PDE10A: variants seen among roughly 807,000 people sequenced by gnomAD.
PDE10A encodes cAMP and cAMP-inhibited cGMP 3',5'-cyclic phosphodiesterase 10A.
In PDE10A, 39 loss-of-function variants were observed where a neutral mutation model predicts 97.7. The ratio of observed to expected loss-of-function variants is 0.40; its 90% CI spans 0.31 to 0.52. The LOEUF (loss-of-function observed/expected upper bound fraction) is 0.52, where lower values mean the gene tolerates loss of function less well. Among genes scored for constraint, PDE10A ranks in the 20% least tolerant of loss-of-function variants. PDE10A has a pLI of 0.56. For synonymous variants in PDE10A, 371 were observed against 376.8 expected (o/e 0.98, Z 0.18); for missense variants, 731 against 1,047.8 (o/e 0.70, Z 4.17).
At chr6:165,338,871 T>A (rs1781806350) in intron 20 of PDE10A, among the ~76,000 whole-genome samples, 1 of 152,200 alleles carries the variant, frequency 6.6e-6, no homozygotes, top group Non-Finnish European at 1.5e-5. Flanking sequence ...TTCAAGTGGT[T>A]CTAGCTTCTG....
intron 1 of PDE10A, among the ~76,000 whole-genome samples, chr6:165,770,333 G>A (rs1484051504): frequency 1.3e-5 from 2 of 151,926 alleles, no homozygotes; most frequent in Non-Finnish European, 2.9e-5. Flanking sequence ...AAGAAAGAAG[G>A]AGAAAGAAAG....
chr6:165,707,814 T>C (rs558234135), intron 1 of PDE10A, among the ~76,000 whole-genome samples: 1 of 152,238 alleles, frequency 6.6e-6, no homozygotes, highest in East Asian at 1.9e-4. Context: ...TGCAGCTTCC[T>C]GGGTGCTCTT....
chr6:165,691,389 G>T (rs141321356), intron 1 of PDE10A, among the ~76,000 whole-genome samples: 7 of 151,828 alleles, frequency 4.6e-5, no homozygotes, highest in Non-Finnish European at 4.4e-5. Flanking sequence ...GTCACATGCC[G>T]TCCAAGTTTG....
intron 1 of PDE10A, among the ~76,000 whole-genome samples, chr6:165,923,719 C>G (rs991016406): frequency 6.6e-6 from 1 of 152,022 alleles, no homozygotes; most frequent in South Asian, 2.1e-4. Context: ...AACAGTTATA[C>G]AATTTGGGAT....
At chr6:165,554,296 A>G (rs1784148375) in intron 1 of PDE10A, among the ~76,000 whole-genome samples, 1 of 152,168 alleles carries the variant, frequency 6.6e-6, no homozygotes, top group Admixed American at 6.5e-5. Flanking sequence ...ATATATAAAG[A>G]GCTCAAACAA....
chr6:165,699,277 A>G (rs750062916), intron 1 of PDE10A, among the ~76,000 whole-genome samples: 6 of 152,214 alleles, frequency 3.9e-5, no homozygotes, highest in Non-Finnish European at 5.9e-5. Flanking sequence ...TAAGTGGTTA[A>G]TCCAACAGAA....
intron 6 of PDE10A, among the ~76,000 whole-genome samples, chr6:165,434,026 AAAAAAAAAAAAAGAAGTAGTACAGGG>A (rs1410422611): frequency 3.4e-5 from 5 of 146,422 alleles, no homozygotes; most frequent in Non-Finnish European, 7.4e-5. Context: ...CAAAAAAAAA[AAAAAAAAAAAAAGAAGTAGTACAGGG>A]AAATTGAATG....
chr6:165,843,815 G>A (rs1780328825), intron 1 of PDE10A, among the ~76,000 whole-genome samples: 1 of 152,212 alleles, frequency 6.6e-6, no homozygotes, highest in Non-Finnish European at 1.5e-5. Flanking sequence ...GGAGGGGCAG[G>A]GCAGTCACTG....
chr6:165,350,857 T>C (rs1475702161), intron 18 of PDE10A, among the ~76,000 whole-genome samples: 1 of 152,140 alleles, frequency 6.6e-6, no homozygotes, highest in Non-Finnish European at 1.5e-5. Context: ...GAAGGACGTG[T>C]TTGCTTCCCC....
At chr6:165,432,442 G>T (rs947472381) in intron 7 of PDE10A, among the ~76,000 whole-genome samples, 1 of 152,268 alleles carries the variant, frequency 6.6e-6, no homozygotes, top group Non-Finnish European at 1.5e-5. Flanking sequence ...AGGGACAGGT[G>T]GGGTCGCAGG....
At chr6:165,789,207 A>T (rs1229186022) in intron 1 of PDE10A, among the ~76,000 whole-genome samples, 1 of 152,174 alleles carries the variant, frequency 6.6e-6, no homozygotes, top group Non-Finnish European at 1.5e-5. Flanking sequence ...GAAGTTAATA[A>T]TTTTTTTACA....
chr6:165,386,375 G>T (rs1287666542), intron 17 of PDE10A, among the ~76,000 whole-genome samples: 1 of 152,102 alleles, frequency 6.6e-6, no homozygotes, highest in Non-Finnish European at 1.5e-5. Context: ...ATTTAATACA[G>T]CCTTTCTAAA....
chr6:165,540,364 A>C (rs1783357381), intron 2 of PDE10A, among the ~76,000 whole-genome samples: 1 of 152,230 alleles, frequency 6.6e-6, no homozygotes, highest in Admixed American at 6.5e-5. Context: ...TTTTTGACAT[A>C]ATAATTGTAC....
In PDE10A at chr6:165,413,482, T is replaced by C; in HGVS notation, c.2076+19A>G. ...TAATATTGAGTAGTAAAAAATGGTA[T>C]TTAATAAATAGTACTTACATTAGCA... On this transcript the variant is annotated intron_variant, in intron 13 of 21. Coordinates refer to ENST00000539869, the MANE Select transcript of PDE10A (RefSeq NM_001385079.1). The C allele has an allele frequency of 6.5e-7, 1 of 1,549,226 alleles. No individual in the cohort carries two copies.
chr6:165,751,488 TG>T (rs1174564734), intron 1 of PDE10A, among the ~76,000 whole-genome samples: 5 of 152,126 alleles, frequency 3.3e-5, no homozygotes, highest in Non-Finnish European at 1.5e-5. Flanking sequence ...CCTCTCCCCT[TG>T]GGGTGCCCTT....
chr6:165,691,590 C>T (rs540552950), intron 1 of PDE10A, among the ~76,000 whole-genome samples: 27 of 17,974 alleles, frequency 1.5e-3, no homozygotes, highest in African/African-American at 2.1e-3. Flanking sequence ...TGCACGCGCG[C>T]GCACACACAC....
At chr6:165,912,783 A>C (rs1256927085) in intron 1 of PDE10A, among the ~76,000 whole-genome samples, 1 of 152,230 alleles carries the variant, frequency 6.6e-6, no homozygotes, top group Non-Finnish European at 1.5e-5. Context: ...CAGTGGATAA[A>C]TGTGACCAGA....
chr6:165,450,873 T>C (rs1791241552), intron 3 of PDE10A, among the ~76,000 whole-genome samples: 1 of 152,188 alleles, frequency 6.6e-6, no homozygotes, highest in South Asian at 2.1e-4. Flanking sequence ...GACTTCTTAT[T>C]TAGAATTATC....
At chr6:165,689,370 T>G (rs752539966) in intron 1 of PDE10A, among the ~76,000 whole-genome samples, 1 of 152,092 alleles carries the variant, frequency 6.6e-6, no homozygotes, top group Non-Finnish European at 1.5e-5. Flanking sequence ...GTTCCCAGGG[T>G]TAAATGAGGT....
Sources: gnomAD v4.1 joint callset for allele counts (sites outside exome capture counted in the v4.1 genomes callset) on GRCh38, gnomAD v4.1.1 for gene constraint, MANE v1.5 for transcripts, NCBI Gene and HGNC (gene_info 2026-07-23, HGNC 2026-07-21) for gene names.